HCN1: variants seen among roughly 807,000 people sequenced by gnomAD.
HCN1 encodes hyperpolarization activated cyclic nucleotide gated potassium channel 1.
A neutral mutation model predicts 78.9 loss-of-function variants in HCN1; 13 were observed. The observed-to-expected ratio is 0.16, with a 90% CI of 0.11 to 0.26. The LOEUF (loss-of-function observed/expected upper bound fraction) is 0.26. Ranked by LOEUF, HCN1 falls within the 10% of genes least tolerant of loss-of-function variation. The probability of loss-of-function intolerance (pLI) is 1.00; values close to 1 mark genes in which losing one functional copy is unlikely to be tolerated. For missense variants in HCN1, 810 were observed against 1,154.3 expected (o/e 0.70, Z 4.32); for synonymous variants, 552 against 455.5 (o/e 1.21, Z -2.70).
At chr5:45,349,781 G>T (rs1201542164) in intron 5 of HCN1, among the ~76,000 whole-genome samples, 1 of 151,910 alleles carries the variant, frequency 6.6e-6, no homozygotes, top group Non-Finnish European at 1.5e-5. Flanking sequence ...TAGAAGAAAT[G>T]GAAAGATTTC....
intron 3 of HCN1, among the ~76,000 whole-genome samples, chr5:45,421,140 G>A (rs950303440): frequency 6.6e-6 from 1 of 151,692 alleles, no homozygotes; most frequent in Non-Finnish European, 1.5e-5. Context: ...TCAGCTCAAT[G>A]CAAGCTCTGC....
At chr5:45,376,590 C>T (rs190304605) in intron 4 of HCN1, among the ~76,000 whole-genome samples, 1 of 151,708 alleles carries the variant, frequency 6.6e-6, no homozygotes, top group Non-Finnish European at 1.5e-5. Context: ...AGCATGATAA[C>T]ATTTGGCTGG....
intron 5 of HCN1, among the ~76,000 whole-genome samples, chr5:45,348,698 C>CA (rs577859699): frequency 1.1e-4 from 16 of 150,922 alleles, no homozygotes; most frequent in Middle Eastern, 3.4e-3. Flanking sequence ...AAATGGAAAA[C>CA]AAAAAAAAGG....
chr5:45,422,840 T>C (rs1740255872), intron 3 of HCN1, among the ~76,000 whole-genome samples: 1 of 152,122 alleles, frequency 6.6e-6, no homozygotes, highest in South Asian at 2.1e-4. Flanking sequence ...ATGATCAACC[T>C]CATGAAAATG....
intron 5 of HCN1, among the ~76,000 whole-genome samples, chr5:45,347,667 T>A (rs1203629319): frequency 1.3e-5 from 2 of 152,152 alleles, no homozygotes; most frequent in Admixed American, 6.5e-5. Flanking sequence ...GAGAAGTGCT[T>A]AAAGGAGCTG....
intron 5 of HCN1, among the ~76,000 whole-genome samples, chr5:45,325,717 A>C (rs1561107249): frequency 6.6e-6 from 1 of 151,726 alleles, no homozygotes; most frequent in Non-Finnish European, 1.5e-5. Flanking sequence ...TGAATTAAAA[A>C]ATCTTTTGAA....
intron 4 of HCN1, among the ~76,000 whole-genome samples, chr5:45,368,672 G>A (rs1039239819): frequency 2.6e-5 from 4 of 151,648 alleles, no homozygotes; most frequent in African/African-American, 9.7e-5. Flanking sequence ...AACATTTAAC[G>A]CATCCAAAGC....
chr5:45,431,714 T>C (rs1187806329), intron 3 of HCN1, among the ~76,000 whole-genome samples: 1 of 152,170 alleles, frequency 6.6e-6, no homozygotes, highest in Non-Finnish European at 1.5e-5. Context: ...TGCTTGTTTT[T>C]GTCAACTTTG....
At chr5:45,494,208 G>C (rs1176763014) in intron 2 of HCN1, among the ~76,000 whole-genome samples, 1 of 151,990 alleles carries the variant, frequency 6.6e-6, no homozygotes, top group Non-Finnish European at 1.5e-5. Context: ...CTAGTTTACA[G>C]TCCCACCAAC....
intron 2 of HCN1, among the ~76,000 whole-genome samples, chr5:45,567,786 C>A (rs1025915922): frequency 6.6e-6 from 1 of 151,930 alleles, no homozygotes; most frequent in Non-Finnish European, 1.5e-5. Flanking sequence ...GCCATTTTAA[C>A]TGTCCCTGGA....
intron 4 of HCN1, among the ~76,000 whole-genome samples, chr5:45,374,147 T>C (rs1308171170): frequency 8.3e-6 from 1 of 120,328 alleles, no homozygotes; most frequent in East Asian, 2.1e-4. Flanking sequence ...ATACATATTA[T>C]ATATAATATA....
intron 5 of HCN1, among the ~76,000 whole-genome samples, chr5:45,313,211 T>C (rs1745896287): frequency 6.6e-6 from 1 of 152,142 alleles, no homozygotes; most frequent in South Asian, 2.1e-4. Context: ...TGTTCACCAA[T>C]ATTCGATGTT....
intron 1 of HCN1, among the ~76,000 whole-genome samples, chr5:45,694,722 C>T (rs182733348): frequency 1.7e-3 from 261 of 152,210 alleles, no homozygotes; most frequent in African/African-American, 5.6e-3. Context: ...ATCGTGCACA[C>T]GCTAATAAGA....
At chr5:45,370,956 T>A (rs1747341807) in intron 4 of HCN1, among the ~76,000 whole-genome samples, 1 of 152,094 alleles carries the variant, frequency 6.6e-6, no homozygotes. Flanking sequence ...AGGAGTTTGG[T>A]GATTTTATTT....
intron 1 of HCN1, among the ~76,000 whole-genome samples, chr5:45,676,630 T>A (rs540703850): frequency 1.3e-5 from 2 of 151,716 alleles, no homozygotes; most frequent in Non-Finnish European, 1.5e-5. Flanking sequence ...CAGGAAAGAA[T>A]AGAAGGTCTA....
chr5:45,627,473 T>C (rs1277775664), intron 2 of HCN1, among the ~76,000 whole-genome samples: 1 of 152,180 alleles, frequency 6.6e-6, no homozygotes, highest in East Asian at 1.9e-4. Flanking sequence ...GGTGCAACCA[T>C]GGTGATTTTA....
chr5:45,463,073 T>G (rs1487294602), intron 2 of HCN1, among the ~76,000 whole-genome samples: 1 of 152,026 alleles, frequency 6.6e-6, no homozygotes, highest in Non-Finnish European at 1.5e-5. Context: ...TTAGAATCAC[T>G]TTTTGTATAA....
At chr5:45,666,235 A>T (rs1292385784) in intron 1 of HCN1, among the ~76,000 whole-genome samples, 1 of 152,072 alleles carries the variant, frequency 6.6e-6, no homozygotes, top group Non-Finnish European at 1.5e-5. Flanking sequence ...ATAAAAAAGT[A>T]GTTTAGGAGG....
intron 5 of HCN1, among the ~76,000 whole-genome samples, chr5:45,347,411 T>C (rs1746767422): frequency 6.6e-6 from 1 of 151,804 alleles, no homozygotes; most frequent in Non-Finnish European, 1.5e-5. Flanking sequence ...ACCACAAAGA[T>C]GGGGAAAAAA....
Sources: gnomAD v4.1 joint callset for allele counts (sites outside exome capture counted in the v4.1 genomes callset) on GRCh38, gnomAD v4.1.1 for gene constraint, MANE v1.5 for transcripts, NCBI Gene and HGNC (gene_info 2026-07-23, HGNC 2026-07-21) for gene names.